The following CEP350 variants were observed in gnomAD, a reference collection of about 807,000 sequenced individuals.
CEP350 encodes centrosomal protein 350.
CEP350 carries 126 observed loss-of-function variants against 331.8 expected under a neutral mutation model. The observed-to-expected ratio is 0.38, with a 90% CI of 0.33 to 0.44. The LOEUF (loss-of-function observed/expected upper bound fraction) is 0.44. Among genes scored for constraint, CEP350 ranks in the 20% least tolerant of loss-of-function variants. The probability of loss-of-function intolerance (pLI) is 1.00; values close to 1 mark genes in which losing one functional copy is unlikely to be tolerated. For missense variants in CEP350, 3,406 were observed against 3,634.6 expected, an observed-to-expected ratio of 0.94 and a Z score of 1.62; for synonymous variants, 1,200 against 1,259.5, an observed-to-expected ratio of 0.95 and a Z score of 1.00.
In CEP350 at chr1:180,095,898, A is replaced by G. The variant is rs746620681; in HGVS notation, c.8887A>G (p.Ile2963Val). The change falls in exon 35 of 38, where the codon ATA (isoleucine) becomes GTA (valine). Residue 2963 changes from isoleucine to valine, a missense_variant. By Grantham distance (29) the Ile-to-Val change is conservative (BLOSUM62 3). This residue lies in a region of CEP350 where 1,415 missense variants were observed against 1,512.3 expected (regional missense o/e 0.94). Coordinates refer to ENST00000367607, the MANE Select transcript of CEP350 (RefSeq NM_014810.5). ...TGGCTGTGCCAGTAAAGGTCTAGATATAGAAAGCACTAGTAAAAGGGTCTA... is the reference window on the plus strand; with the variant it reads ...TGGCTGTGCCAGTAAAGGTCTAGATGTAGAAAGCACTAGTAAAAGGGTCTA... ...LLGCASKGLD[I>V]ESTSKRVYKQ... The G allele has an allele frequency of 1.2e-5, 19 of 1,607,190 alleles. No individual in the cohort carries two copies. Among genetic ancestry groups the G allele is most frequent in the African/African-American group, 5.4e-5 (4 of 74,448 alleles).
chr1:180,063,702 A>G (rs1268233482), intron 26 of CEP350, among the ~76,000 whole-genome samples: 2 of 152,206 alleles, frequency 1.3e-5, no homozygotes, highest in South Asian at 2.1e-4. Flanking sequence ...AGTCCCAGCT[A>G]CTTGCGAGGC....
At position 179,990,786 on chromosome 1, in the gene CEP350, G is replaced by A. The variant is rs550159034; in HGVS notation, c.235+165G>A. On this transcript the variant is annotated intron_variant, in intron 4 of 37. Coordinates refer to ENST00000367607, the MANE Select transcript of CEP350 (RefSeq NM_014810.5). ...TGCCCCAGCTTGTCTTGAACTCCTG[G>A]CCTTAAGTAATCCTCTCATCTTGGA... Among the ~76,000 whole-genome samples the A allele has an allele frequency of 1.2e-4, 19 of 152,258 alleles. No individual in the cohort carries two copies. In the East Asian group the frequency reaches 2.3e-3, roughly 19 times the overall value.
intron 11 of CEP350, among the ~76,000 whole-genome samples, chr1:180,018,924 C>T (rs1283504375): frequency 6.7e-6 from 1 of 148,928 alleles, no homozygotes; most frequent in Non-Finnish European, 1.5e-5. Flanking sequence ...GGCACGATCT[C>T]GGCCCAATGC....
At chr1:180,091,867 C>T (rs1239958202) in intron 33 of CEP350, among the ~76,000 whole-genome samples, 1 of 150,912 alleles carries the variant, frequency 6.6e-6, no homozygotes, top group African/African-American at 2.4e-5. Flanking sequence ...GAAAATAAAA[C>T]TGAGGTGCAA....
chr1:180,046,779 C>T (rs1657151775), intron 21 of CEP350, among the ~76,000 whole-genome samples: 1 of 152,130 alleles, frequency 6.6e-6, no homozygotes, highest in South Asian at 2.1e-4. Context: ...ACCATGCATA[C>T]TTGTATCACC....
At chr1:180,048,128 T>TA (rs1300229674) in intron 21 of CEP350, among the ~76,000 whole-genome samples, 2 of 152,356 alleles carry the variant, frequency 1.3e-5, no homozygotes, top group East Asian at 3.9e-4. Context: ...CAATTCAAAG[T>TA]ATAGATTAAG....
chr1:179,971,412 G>A (rs950077759), intron 1 of CEP350, among the ~76,000 whole-genome samples: 3 of 152,060 alleles, frequency 2.0e-5, no homozygotes, highest in Non-Finnish European at 4.4e-5. Context: ...CAGTCTTGAC[G>A]TTTAAGGCTC....
At chr1:180,057,653 CT>C (rs11364922) in intron 25 of CEP350, among the ~76,000 whole-genome samples, 6,024 of 151,892 alleles carry the variant, frequency 0.04, 142 homozygotes, top group Middle Eastern at 0.14. Flanking sequence ...AGGATTTATC[CT>C]TTCTTTTGCT....
intron 5 of CEP350, among the ~76,000 whole-genome samples, chr1:179,994,416 G>A (rs1653323608): frequency 6.6e-6 from 1 of 150,994 alleles, no homozygotes; most frequent in Non-Finnish European, 1.5e-5. Flanking sequence ...TCATTTCACA[G>A]CCCTATCTCT....
chr1:179,958,271 G>T (rs1253782216), intron 1 of CEP350, among the ~76,000 whole-genome samples: 1 of 151,912 alleles, frequency 6.6e-6, no homozygotes, highest in Admixed American at 6.6e-5. Flanking sequence ...AGGAAATTTG[G>T]CATTCCCTAT....
rs747747475 is a variant in CEP350 at position 180,092,808 on chromosome 1, T to A, written c.6703T>A (p.Leu2235Ile). The A allele has an allele frequency of 1.9e-6, 3 of 1,571,750 alleles. No individual in the cohort carries two copies. The Admixed American group carries it at 5.6e-5, about 30-fold the overall frequency. The change falls in exon 34 of 38, where the codon TTA becomes ATA. Residue 2235 changes from leucine (L) to isoleucine (I), a missense_variant. By Grantham distance (5) the Leu-to-Ile change is conservative. Around this residue, in one of 5 missense-constraint regions of CEP350, gnomAD observed 1,415 missense variants for 1,512.3 expected, o/e 0.94. Coordinates refer to ENST00000367607, the MANE Select transcript of CEP350 (RefSeq NM_014810.5). ...NVPALHLLKE[L>I]NATSRILDMS... Reference sequence around the variant, plus strand: ...ACCTGCATTACATCTTCTCAAAGAATTAAATGCCACTAGTAGAATTCTTGA... The same window carrying A: ...ACCTGCATTACATCTTCTCAAAGAAATAAATGCCACTAGTAGAATTCTTGA...
chr1:180,090,601 GACATACCT>G (rs67852047), intron 32 of CEP350, 105 bp from the exon 33 acceptor site: 354,782 of 563,400 alleles, frequency 0.63, 110,812 homozygotes, highest in East Asian at 0.75. Context: ...GACATAGATT[GACATACCT>G]ACTGTAGAGA....
chr1:179,954,920 G>A lies in CEP350; in HGVS notation c.-236G>A, dbSNP rs1650050511. ...AACTGCAGGGAGCCGCAGCTCGGGGGGTGGCTTGCCCTGAGGGAGGGGAGG... is the reference window on the plus strand; with the variant it reads ...AACTGCAGGGAGCCGCAGCTCGGGGAGTGGCTTGCCCTGAGGGAGGGGAGG... On this transcript the variant is annotated 5_prime_UTR_variant, in exon 1 of 38. Coordinates refer to ENST00000367607, the MANE Select transcript of CEP350 (RefSeq NM_014810.5). The A allele has an allele frequency of 1.4e-6, 1 of 703,462 alleles. No individual in the cohort carries two copies. Among genetic ancestry groups the A allele is most frequent in the African/African-American group, 1.9e-5 (1 of 53,514 alleles). The allele number at this position is 703,462 out of a possible 1,614,324, so 43.6% of individuals were successfully genotyped here. A position where few individuals can be genotyped will look rare whatever the true frequency, so the allele number is the denominator to read the frequency against.
intron 3 of CEP350, among the ~76,000 whole-genome samples, chr1:179,989,904 A>G (rs145022534): frequency 9.9e-4 from 151 of 152,258 alleles, no homozygotes; most frequent in Non-Finnish European, 1.8e-3. Context: ...AAGTCAGATA[A>G]TTGGCTGGGC....
In CEP350 at chr1:180,024,685, T is replaced by C. The variant is rs763376311; in HGVS notation, c.3550+103T>C. 3.1e-6 allele frequency: 4 copies of C among 1,295,456 alleles called. No homozygotes were observed. The East Asian group carries it at 7.8e-5, about 25-fold the overall frequency. The allele number at this position is 1,295,456 out of a possible 1,614,324, so 80.2% of individuals were successfully genotyped here. A position where few individuals can be genotyped will look rare whatever the true frequency, so the allele number is the denominator to read the frequency against. On this transcript the variant is annotated intron_variant, in intron 14 of 37. Coordinates refer to ENST00000367607, the MANE Select transcript of CEP350 (RefSeq NM_014810.5). ...CATAAGAAGTTAGAAGAATTTCTTA[T>C]GGTAATGTAATTAGCTTTCATATTT... is the stretch of plus-strand genomic sequence containing the variant.
chr1:180,065,029 A>G (rs1302476596), intron 26 of CEP350, 86 bp from the exon 27 acceptor site: 5 of 1,352,226 alleles, frequency 3.7e-6, no homozygotes, highest in Non-Finnish European at 4.9e-6. Context: ...TGTATTGTGG[A>G]TAAACTTAAT....
intron 32 of CEP350, among the ~76,000 whole-genome samples, chr1:180,088,792 T>C (rs1660006674): frequency 1.3e-5 from 2 of 152,214 alleles, no homozygotes; most frequent in Admixed American, 1.3e-4. Flanking sequence ...ACACATGTTA[T>C]GAGGGTTAAA....
At chr1:180,030,241 A>T (rs555127285) in intron 14 of CEP350, among the ~76,000 whole-genome samples, 1 of 147,478 alleles carries the variant, frequency 6.8e-6, no homozygotes, top group African/African-American at 2.5e-5. Context: ...TTTAAAGTAT[A>T]TATAGTAATT....
At chr1:179,967,505 G>A (rs571348549) in intron 1 of CEP350, among the ~76,000 whole-genome samples, 11 of 152,204 alleles carry the variant, frequency 7.2e-5, no homozygotes, top group Non-Finnish European at 1.6e-4. Context: ...TCCGCCTTCC[G>A]GGTTCAAGCA....
Sources: gnomAD v4.1 joint callset for allele counts (sites outside exome capture counted in the v4.1 genomes callset) on GRCh38, gnomAD v4.1.1 for gene constraint, gnomAD v4.1.1 regional missense constraint, MANE v1.5 for transcripts, NCBI Gene and HGNC (gene_info 2026-07-23, HGNC 2026-07-21) for gene names.